CDC14A: variants seen among roughly 807,000 people sequenced by gnomAD.
The protein encoded by CDC14A is dual specificity protein phosphatase CDC14A.
A neutral mutation model predicts 74.4 loss-of-function variants in CDC14A; 53 were observed. The observed-to-expected ratio is 0.71, with a 90% CI of 0.57 to 0.89. The LOEUF is 0.89. Among genes scored for constraint, CDC14A ranks in the 40% least tolerant of loss-of-function variants. The pLI, the probability that CDC14A is intolerant of heterozygous loss-of-function variation, is 0.00. For synonymous variants in CDC14A, 247 were observed against 258.4 expected (o/e 0.96, Z 0.43); for missense variants, 646 against 713.7 (o/e 0.91, Z 1.08).
At chr1:100,395,676 G>T (rs1658369055) in intron 4 of CDC14A, among the ~76,000 whole-genome samples, 1 of 152,120 alleles carries the variant, frequency 6.6e-6, no homozygotes, top group Non-Finnish European at 1.5e-5. Context: ...TTGTAAATTA[G>T]ATCACGTCAT....
chr1:100,471,729 T>A (rs1291759225), intron 10 of CDC14A, among the ~76,000 whole-genome samples: 4 of 152,128 alleles, frequency 2.6e-5, no homozygotes, highest in Admixed American at 2.6e-4. Context: ...AGGTGACATG[T>A]TAGAGCAACA....
Position 100,499,007 on chromosome 1 carries a change from C to G in CDC14A, c.1500C>G (p.Thr500=), listed in dbSNP as rs778830447. Residue 500 remains threonine, a synonymous_variant, in exon 15 of 16, where the codon ACC becomes ACG. Coordinates refer to ENST00000336454, the MANE Select transcript of CDC14A (RefSeq NM_003672.4). ...CAGATGATCCAGAGAACAAAAAGAC[C>G]TCCTCATCCTCTAAGGCAGGCTTCA... ...AATDDPENKK[T]SSSSKAGFTA... 6.2e-7 allele frequency: 1 copy of G among 1,613,910 alleles called. No homozygotes were observed. The highest frequency in any genetic ancestry group is 1.7e-5 in the Admixed American group (1 of 59,994).
intron 5 of CDC14A, among the ~76,000 whole-genome samples, chr1:100,432,089 ATTCTGT>A (rs962111004): frequency 2.0e-5 from 3 of 152,068 alleles, no homozygotes; most frequent in Admixed American, 1.3e-4. Flanking sequence ...AAAAGCTGAG[ATTCTGT>A]TTTTTTGTTG....
intron 1 of CDC14A, 55 bp downstream of exon 1, chr1:100,353,058 T>G: frequency 6.4e-7 from 1 of 1,573,816 alleles, no homozygotes; most frequent in Non-Finnish European, 8.7e-7. Context: ...AACTCTTCAC[T>G]TCCCGCGCCA....
intron 5 of CDC14A, among the ~76,000 whole-genome samples, chr1:100,437,080 AG>A (rs1303770987): frequency 2.0e-5 from 3 of 152,128 alleles, no homozygotes; most frequent in Non-Finnish European, 2.9e-5. Flanking sequence ...CAGCTAATTC[AG>A]GGGCTGAGGC....
At chr1:100,502,584 T>C (rs564765388) in intron 15 of CDC14A, among the ~76,000 whole-genome samples, 4 of 152,258 alleles carry the variant, frequency 2.6e-5, no homozygotes, top group African/African-American at 4.8e-5. Flanking sequence ...AAGTGATGCA[T>C]GACTATGTAA....
At chr1:100,491,540 CTCTCTCTCTATATATATA>C (rs1486905937) in intron 11 of CDC14A, among the ~76,000 whole-genome samples, 11 of 40,274 alleles carry the variant, frequency 2.7e-4, no homozygotes, top group African/African-American at 8.8e-4. Context: ...CTCTCTCTCT[CTCTCTCTCTATATATATA>C]TATATATATA....
intron 8 of CDC14A, among the ~76,000 whole-genome samples, chr1:100,458,511 G>A (rs1201549601): frequency 6.6e-6 from 1 of 152,058 alleles, no homozygotes; most frequent in Non-Finnish European, 1.5e-5. Flanking sequence ...ATTTAAGGCT[G>A]CCATTGGTAA....
intron 4 of CDC14A, among the ~76,000 whole-genome samples, chr1:100,420,051 C>CACACAT (rs1553180461): frequency 2.0e-4 from 3 of 14,816 alleles, no homozygotes; most frequent in African/African-American, 7.5e-4. Flanking sequence ...CACACACACA[C>CACACAT]ACACACACAC....
intron 10 of CDC14A, among the ~76,000 whole-genome samples, chr1:100,477,923 T>G (rs1339030418): frequency 6.6e-6 from 1 of 152,194 alleles, no homozygotes; most frequent in Non-Finnish European, 1.5e-5. Context: ...AGGTGCTTGA[T>G]TGCCATGTCT....
At chr1:100,377,661 A>C in intron 3 of CDC14A, 40 bp downstream of exon 3, 1 of 1,456,614 alleles carries the variant, frequency 6.9e-7, no homozygotes, top group Non-Finnish European at 9.6e-7. Context: ...GAATTAAAAC[A>C]TTTGAACCAT....
At chr1:100,438,575 CAT>C (rs1664592875) in intron 5 of CDC14A, among the ~76,000 whole-genome samples, 1 of 152,122 alleles carries the variant, frequency 6.6e-6, no homozygotes, top group South Asian at 2.1e-4. Context: ...TTTTTGCTGA[CAT>C]GTGAGTTCAG....
rs183108485 is a variant in CDC14A at position 100,418,118 on chromosome 1, G to A, written c.310-6104G>A. Among the ~76,000 whole-genome samples the A allele has an allele frequency of 3.8e-3, 582 of 152,264 alleles. 13 individuals are homozygous for A. Among genetic ancestry groups the A allele is most frequent in the Admixed American group, 0.034 (526 of 15,286 alleles). On this transcript the variant is annotated intron_variant, in intron 4 of 15. Transcript: ENST00000336454. ...TGGGAATAATAATGGAACCTAACTC[G>A]GGGTGATGTGAGGATTAATGAACCA... is the stretch of plus-strand genomic sequence containing the variant.
chr1:100,412,768 T>TTTTATA (rs1553179041), intron 4 of CDC14A, among the ~76,000 whole-genome samples: 1 of 78,858 alleles, frequency 1.3e-5, no homozygotes, highest in Non-Finnish European at 2.5e-5. Context: ...TATATATATA[T>TTTTATA]TATATATATA....
At chr1:100,429,829 C>A (rs187993308) in intron 5 of CDC14A, among the ~76,000 whole-genome samples, 5 of 150,706 alleles carry the variant, frequency 3.3e-5, no homozygotes, top group African/African-American at 1.2e-4. Context: ...ATTTACAAAG[C>A]AAATTTCTGT....
At chr1:100,431,391 G>A (rs190273555) in intron 5 of CDC14A, among the ~76,000 whole-genome samples, 49 of 151,748 alleles carry the variant, frequency 3.2e-4, no homozygotes, top group African/African-American at 9.7e-4. Flanking sequence ...TACTCTTTAC[G>A]GTATATTTCC....
At chr1:100,449,576 C>T (rs1333120365) in intron 7 of CDC14A, among the ~76,000 whole-genome samples, 1 of 152,168 alleles carries the variant, frequency 6.6e-6, no homozygotes, top group Non-Finnish European at 1.5e-5. Flanking sequence ...CTTTCTGGTC[C>T]ACTGTATTTA....
intron 3 of CDC14A, among the ~76,000 whole-genome samples, chr1:100,390,168 T>C (rs1479158702): frequency 6.6e-6 from 1 of 152,224 alleles, no homozygotes; most frequent in African/African-American, 2.4e-5. Flanking sequence ...TGTATTAAGA[T>C]GTTTGCTGAT....
At chr1:100,426,100 T>C (rs955926571) in intron 5 of CDC14A, among the ~76,000 whole-genome samples, 1 of 152,234 alleles carries the variant, frequency 6.6e-6, no homozygotes, top group East Asian at 1.9e-4. Flanking sequence ...CATTATACTA[T>C]TATTACTGTT....
Sources: gnomAD v4.1 joint callset for allele counts (sites outside exome capture counted in the v4.1 genomes callset) on GRCh38, gnomAD v4.1.1 for gene constraint, MANE v1.5 for transcripts, NCBI Gene and HGNC (gene_info 2026-07-23, HGNC 2026-07-21) for gene names.